The following PRRG1 variants were observed in gnomAD, a reference collection of about 807,000 sequenced individuals.
PRRG1 encodes proline rich and Gla domain 1.
A neutral mutation model predicts 11.8 loss-of-function variants in PRRG1; 5 were observed. The observed-to-expected ratio is 0.42, with a 90% CI of 0.22 to 0.89. The LOEUF (loss-of-function observed/expected upper bound fraction) is 0.89. Ranked by LOEUF, PRRG1 falls within the 40% of genes least tolerant of loss-of-function variation. The pLI is 0.28. For missense variants in PRRG1, 155 were observed against 166.1 expected (o/e 0.93, Z 0.37); for synonymous variants, 66 against 60.4 (o/e 1.09, Z -0.43).
chrX:37,421,279 C>T (rs782323486), intron 2 of PRRG1, among the ~76,000 whole-genome samples: 4 of 111,141 alleles, frequency 3.6e-5, no homozygotes, highest in Non-Finnish European at 7.6e-5. Flanking sequence ...ATTTCCTAAC[C>T]GAATCTGAAG....
At chrX:37,391,922 T>C (rs1248735372) in intron 1 of PRRG1, among the ~76,000 whole-genome samples, 1 of 111,597 alleles carries the variant, frequency 9.0e-6, no homozygotes, top group Non-Finnish European at 1.9e-5. Flanking sequence ...AAGAGAATTC[T>C]CTTACTGTTG....
At chrX:37,423,958 A>G (rs1932732055) in intron 2 of PRRG1, among the ~76,000 whole-genome samples, 1 of 111,520 alleles carries the variant, frequency 9.0e-6, no homozygotes, top group South Asian at 3.7e-4. Flanking sequence ...AATTGCCTAT[A>G]GTATTCAGTA....
At chrX:37,376,425 G>C (rs1251001290) in intron 1 of PRRG1, among the ~76,000 whole-genome samples, 2 of 101,550 alleles carry the variant, frequency 2.0e-5, no homozygotes, top group African/African-American at 7.0e-5. Flanking sequence ...TGTTGACTGG[G>C]CTTGAACAGC....
intron 3 of PRRG1, among the ~76,000 whole-genome samples, chrX:37,432,005 G>T (rs1294181744): frequency 1.8e-5 from 2 of 109,292 alleles, no homozygotes; most frequent in African/African-American, 6.7e-5. Context: ...TCGAAATCCT[G>T]AGCTCAGGCA....
At chrX:37,395,400 G>A (rs1329334816) in intron 1 of PRRG1, among the ~76,000 whole-genome samples, 1 of 111,342 alleles carries the variant, frequency 9.0e-6, no homozygotes, top group East Asian at 2.8e-4. Flanking sequence ...GAATCACGAG[G>A]TCAGGAGGTC....
rs1184989352 is a variant in PRRG1, at chrX:37,423,239, T to A, written c.11-2601T>A. ...ATTTTTAACAAAAATTAACTTTTTT[T>A]AACAAAAAAGTTAAATTTTAACAAA... On this transcript the variant is annotated intron_variant, in intron 2 of 3. Transcript: ENST00000378628. Among the ~76,000 whole-genome samples, 12 of 110,360 alleles carry A rather than the reference T, an allele frequency of 1.1e-4. 1 individual carries two copies. The South Asian group carries it at 4.5e-3, about 41-fold the overall frequency.
chrX:37,399,035 G>A (rs1602001636), intron 1 of PRRG1, among the ~76,000 whole-genome samples: 1 of 112,161 alleles, frequency 8.9e-6, no homozygotes, highest in Non-Finnish European at 1.9e-5. Context: ...GAGGAGAATG[G>A]AACCAAGTTG....
At chrX:37,397,977 A>AACACACACACAC (rs782125904) in intron 1 of PRRG1, among the ~76,000 whole-genome samples, 68 of 84,001 alleles carry the variant, frequency 8.1e-4, no homozygotes, top group South Asian at 2.8e-3. Context: ...TATAAAAACT[A>AACACACACACAC]ACACACACAC....
chrX:37,367,293 G>T (rs1290574668), intron 1 of PRRG1, among the ~76,000 whole-genome samples: 6 of 112,175 alleles, frequency 5.3e-5, no homozygotes, highest in Non-Finnish European at 1.1e-4. Flanking sequence ...AACTGTGTTT[G>T]TAGATTTTGA....
intron 1 of PRRG1, among the ~76,000 whole-genome samples, chrX:37,372,193 T>G (rs1410588094): frequency 8.9e-6 from 1 of 112,701 alleles, no homozygotes; most frequent in East Asian, 2.8e-4. Context: ...GTATGTCTAG[T>G]TGTGGTTTCA....
chrX:37,357,216 C>T (rs1312939150), intron 1 of PRRG1, among the ~76,000 whole-genome samples: 1 of 111,709 alleles, frequency 9.0e-6, no homozygotes, highest in Non-Finnish European at 1.9e-5. Context: ...ATGTAAGCTT[C>T]CTCCATGTTT....
chrX:37,442,530 A>T (rs984643856), intron 3 of PRRG1, among the ~76,000 whole-genome samples: 1 of 110,803 alleles, frequency 9.0e-6, no homozygotes, highest in East Asian at 2.8e-4. Context: ...GCCATGGTAT[A>T]TGTGGGTGCA....
At chrX:37,438,500 G>A (rs1556392664) in intron 3 of PRRG1, among the ~76,000 whole-genome samples, 1 of 91,515 alleles carries the variant, frequency 1.1e-5, no homozygotes, top group Non-Finnish European at 2.1e-5. Context: ...GCAATGCCAT[G>A]ATCTCAGCTC....
intron 3 of PRRG1, among the ~76,000 whole-genome samples, chrX:37,431,272 A>G (rs782287540): frequency 8.9e-6 from 1 of 111,996 alleles, no homozygotes; most frequent in Non-Finnish European, 1.9e-5. Flanking sequence ...TGGGAGTACA[A>G]TTCTTGGGTT....
chrX:37,450,085 T>G (rs942578198), intron 3 of PRRG1, among the ~76,000 whole-genome samples: 1 of 112,434 alleles, frequency 8.9e-6, no homozygotes, highest in Non-Finnish European at 1.9e-5. Context: ...ATCTGTAAAA[T>G]CAGGCAGCTT....
At position 37,453,798 on chromosome X, in the gene PRRG1, C is replaced by A; in HGVS notation, c.*177C>A. ...TCTTGTTATAGAATCATTATCCATGCTCATTTTTGCTAGGGGAAATATATG... is the reference window on the plus strand; with the variant it reads ...TCTTGTTATAGAATCATTATCCATGATCATTTTTGCTAGGGGAAATATATG... On this transcript the variant is annotated 3_prime_UTR_variant, in exon 4 of 4. Transcript: ENST00000378628. The A allele has an allele frequency of 2.0e-6, 1 of 510,492 alleles. No homozygotes were observed. The highest frequency in any genetic ancestry group is 2.9e-6 in the Non-Finnish European group (1 of 340,565). 42.1% of individuals were successfully genotyped at this position (510,492 alleles called of 1,213,427 possible).
chrX:37,414,459 GT>G (rs1466596483), intron 2 of PRRG1, among the ~76,000 whole-genome samples: 2 of 111,836 alleles, frequency 1.8e-5, no homozygotes, highest in African/African-American at 6.5e-5. Context: ...TCAGTGTAGT[GT>G]TCTGGTCAGC....
intron 1 of PRRG1, among the ~76,000 whole-genome samples, chrX:37,378,449 C>T (rs1556373002): frequency 1.8e-5 from 2 of 112,005 alleles, no homozygotes; most frequent in African/African-American, 6.5e-5. Context: ...ATTTTCTCCT[C>T]AGACTAGTAA....
At position 37,441,048 on chromosome X, in the gene PRRG1, G is replaced by A. The variant is rs139741884; in HGVS notation, c.172-12088G>A. Reference sequence around the variant, plus strand: ...CCTCCCAAAGTGCTGGGATTTATAGGTGTGAGACACCATGCCCGGCCATCT... The same window carrying A: ...CCTCCCAAAGTGCTGGGATTTATAGATGTGAGACACCATGCCCGGCCATCT... On this transcript the variant is annotated intron_variant, in intron 3 of 3. Coordinates refer to ENST00000378628, the MANE Select transcript of PRRG1 (RefSeq NM_001142395.2). 616 of 956,874 alleles carry A rather than the reference G, an allele frequency of 6.4e-4. 3 individuals are homozygous for A. The East Asian group carries it at 0.022, about 34-fold the overall frequency. 78.9% of individuals were successfully genotyped at this position (956,874 alleles called of 1,213,427 possible). A position where few individuals can be genotyped will look rare whatever the true frequency, so the allele number is the denominator to read the frequency against.
Sources: gnomAD v4.1 joint callset for allele counts (sites outside exome capture counted in the v4.1 genomes callset) on GRCh38, gnomAD v4.1.1 for gene constraint, MANE v1.5 for transcripts, NCBI Gene and HGNC (gene_info 2026-07-23, HGNC 2026-07-21) for gene names.